ATP8A2: variants seen among roughly 807,000 people sequenced by gnomAD.
ATP8A2 encodes ATPase phospholipid transporting 8A2.
ATP8A2 carries 100 observed loss-of-function variants against 165.6 expected under a neutral mutation model. That is an observed-to-expected ratio of 0.60 (90% CI 0.51 to 0.71). The LOEUF is 0.71. ATP8A2 is among the 30% of genes least tolerant of loss of function. The pLI is 0.00. For synonymous variants in ATP8A2, 543 were observed against 548.8 expected (o/e 0.99, Z 0.15); for missense variants, 1,227 against 1,479.5 (o/e 0.83, Z 2.80).
chr13:25,898,019 C>A (rs1389321950), intron 33 of ATP8A2, among the ~76,000 whole-genome samples: 5 of 152,314 alleles, frequency 3.3e-5, no homozygotes, highest in African/African-American at 1.2e-4. Flanking sequence ...TCTTCTGAAG[C>A]CTTCCTCTCT....
In ATP8A2 at chr13:25,693,957, T is replaced by C. The variant is rs536669502; in HGVS notation, c.2212-5216T>C. Among the ~76,000 whole-genome samples, 33 of 152,282 alleles carry C rather than the reference T, an allele frequency of 2.2e-4. 1 individual carries two copies. The highest frequency in any genetic ancestry group is 4.1e-4 in the Non-Finnish European group (28 of 68,024). On this transcript the variant is annotated intron_variant, in intron 24 of 36. Transcript: ENST00000381655. Reference sequence around the variant, plus strand: ...TTGACTCACTGCAACCTCTACCTCCTGGGTTCAAGTAATTCTCCTGCCTCA... The same window carrying C: ...TTGACTCACTGCAACCTCTACCTCCCGGGTTCAAGTAATTCTCCTGCCTCA...
intron 33 of ATP8A2, among the ~76,000 whole-genome samples, chr13:25,898,211 A>G (rs1383405852): frequency 6.6e-6 from 1 of 152,080 alleles, no homozygotes; most frequent in Non-Finnish European, 1.5e-5. Context: ...TTTGGTGTGG[A>G]TGTCCTTTCT....
intron 1 of ATP8A2, among the ~76,000 whole-genome samples, chr13:25,445,044 C>T (rs368123193): frequency 3.3e-5 from 5 of 152,118 alleles, no homozygotes; most frequent in Admixed American, 1.3e-4. Context: ...GTTTTACATG[C>T]GTTCTTTATT....
Position 25,866,454 on chromosome 13 carries a change from C to G in ATP8A2, c.3183+4046C>G, listed in dbSNP as rs1952510721. 2.6e-5 allele frequency among the ~76,000 whole-genome samples: 4 copies of G among 152,126 alleles called. No homozygotes were observed. The South Asian group carries it at 8.3e-4, about 32-fold the overall frequency. ...AATAAGAATATTGCTGTGATTTGAACTCCAAATTCTTTTAGCCAAAGAATT... is the reference window on the plus strand; with the variant it reads ...AATAAGAATATTGCTGTGATTTGAAGTCCAAATTCTTTTAGCCAAAGAATT... On this transcript the variant is annotated intron_variant, in intron 33 of 36. Transcript: ENST00000381655.
chr13:25,774,225 A>C (rs1345001338), intron 26 of ATP8A2, among the ~76,000 whole-genome samples: 1 of 152,252 alleles, frequency 6.6e-6, no homozygotes, highest in East Asian at 1.9e-4. Context: ...AATACTATGC[A>C]GCCATAAAAA....
intron 33 of ATP8A2, among the ~76,000 whole-genome samples, chr13:25,947,514 G>A (rs1355053803): frequency 2.6e-5 from 4 of 152,046 alleles, no homozygotes; most frequent in Admixed American, 2.6e-4. Context: ...CTGCCATCTG[G>A]GAGTCTCCAT....
Position 25,584,687 on chromosome 13 carries a change from A to T in ATP8A2, c.2146+2730A>T, listed in dbSNP as rs137956988. On this transcript the variant is annotated intron_variant, in intron 23 of 36. Coordinates refer to ENST00000381655, the MANE Select transcript of ATP8A2 (RefSeq NM_016529.6). The stretch of plus-strand genomic sequence containing the variant: ...CTGGTACTAGGTCTCAGGGCTCTTG[A>T]CTTCTGGTGTGGGGCTTATTTAGAG... Among the ~76,000 whole-genome samples the T allele has an allele frequency of 2.3e-3, 345 of 152,268 alleles. 1 individual carries two copies. Among genetic ancestry groups the T allele is most frequent in the African/African-American group, 7.8e-3 (326 of 41,532 alleles).
intron 1 of ATP8A2, among the ~76,000 whole-genome samples, chr13:25,450,580 G>A (rs988690659): frequency 3.9e-5 from 6 of 152,150 alleles, no homozygotes; most frequent in Non-Finnish European, 7.4e-5. Context: ...CGCCCAGGCT[G>A]GAGTGCAGTG....
At chr13:25,696,842 G>T (rs934815293) in intron 24 of ATP8A2, among the ~76,000 whole-genome samples, 4 of 152,124 alleles carry the variant, frequency 2.6e-5, no homozygotes, top group African/African-American at 7.2e-5. Context: ...TTCACGACTT[G>T]GCTAACTGGT....
intron 24 of ATP8A2, among the ~76,000 whole-genome samples, chr13:25,688,188 TTA>T (rs758304573): frequency 1.3e-5 from 2 of 152,162 alleles, no homozygotes; most frequent in Non-Finnish European, 2.9e-5. Context: ...CCTGTGCACA[TTA>T]TAGGCCTTTC....
At chr13:25,474,530 C>G (rs2035938526) in intron 2 of ATP8A2, among the ~76,000 whole-genome samples, 1 of 149,806 alleles carries the variant, frequency 6.7e-6, no homozygotes, top group African/African-American at 2.5e-5. Context: ...CCACTGCACT[C>G]TAGCCTGGGC....
chr13:25,755,522 G>T (rs977006020), intron 25 of ATP8A2, among the ~76,000 whole-genome samples: 3 of 152,204 alleles, frequency 2.0e-5, no homozygotes, highest in Admixed American at 6.5e-5. Flanking sequence ...TCTTTTCCCT[G>T]TAGGAACTTA....
At chr13:25,813,569 A>G (rs1300444934) in intron 27 of ATP8A2, among the ~76,000 whole-genome samples, 1 of 111,290 alleles carries the variant, frequency 9.0e-6, no homozygotes, top group East Asian at 2.8e-4. Context: ...ATACGATATA[A>G]TATGGCCTGT....
chr13:25,723,693 C>T (rs2138046620), intron 25 of ATP8A2, among the ~76,000 whole-genome samples: 2 of 152,186 alleles, frequency 1.3e-5, no homozygotes, highest in South Asian at 4.2e-4. Flanking sequence ...AGTTTGCTTG[C>T]AGCCATTGTT....
intron 24 of ATP8A2, among the ~76,000 whole-genome samples, chr13:25,623,484 C>A (rs1481350901): frequency 2.0e-5 from 3 of 151,720 alleles, no homozygotes; most frequent in Non-Finnish European, 4.4e-5. Context: ...AAAAGGTTTT[C>A]CACCTTTTTT....
intron 1 of ATP8A2, among the ~76,000 whole-genome samples, chr13:25,465,262 T>C (rs1317570903): frequency 3.3e-5 from 5 of 152,146 alleles, no homozygotes. Flanking sequence ...TTTTTTCTAA[T>C]ACAGGGTTAG....
chr13:25,486,819 T>C (rs1014825036), intron 2 of ATP8A2, among the ~76,000 whole-genome samples: 2 of 151,968 alleles, frequency 1.3e-5, no homozygotes, highest in Non-Finnish European at 2.9e-5. Flanking sequence ...TACAAAAAAT[T>C]AGCTGAGCAT....
At chr13:25,691,362 T>C (rs2042721517) in intron 24 of ATP8A2, among the ~76,000 whole-genome samples, 1 of 152,240 alleles carries the variant, frequency 6.6e-6, no homozygotes, top group African/African-American at 2.4e-5. Flanking sequence ...ATAAAGCTGA[T>C]TAACAAAAGA....
At chr13:26,010,084 T>A (rs1956812156) in intron 35 of ATP8A2, among the ~76,000 whole-genome samples, 2 of 151,740 alleles carry the variant, frequency 1.3e-5, no homozygotes, top group African/African-American at 4.8e-5. Context: ...AAGAAAAAAA[T>A]TAATTATAAA....
Sources: gnomAD v4.1 joint callset for allele counts (sites outside exome capture counted in the v4.1 genomes callset) on GRCh38, gnomAD v4.1.1 for gene constraint, MANE v1.5 for transcripts, NCBI Gene and HGNC (gene_info 2026-07-23, HGNC 2026-07-21) for gene names.